Variants in EBF3 observed in about 807,000 individuals in gnomAD.
The protein encoded by EBF3 is EBF transcription factor 3.
A neutral mutation model predicts 77.1 loss-of-function variants in EBF3; 18 were observed. The ratio of observed to expected loss-of-function variants is 0.23; its 90% CI spans 0.16 to 0.35. The LOEUF (loss-of-function observed/expected upper bound fraction) is 0.35. Among genes scored for constraint, EBF3 ranks in the 10% least tolerant of loss-of-function variants. The pLI is 1.00. For synonymous variants in EBF3, 350 were observed against 343.5 expected (o/e 1.02, Z -0.21); for missense variants, 558 against 860.0 (o/e 0.65, Z 4.39).
intron 7 of EBF3, among the ~76,000 whole-genome samples, chr10:129,874,161 G>GA (rs1852595783): frequency 6.6e-6 from 1 of 152,140 alleles, no homozygotes; most frequent in South Asian, 2.1e-4. Context: ...CATCTGAAAA[G>GA]ACTGAGTTGA....
At chr10:129,962,390 C>G (rs1859594383) in intron 3 of EBF3, among the ~76,000 whole-genome samples, 164 bp from the exon 4 acceptor site, 1 of 151,768 alleles carries the variant, frequency 6.6e-6, no homozygotes, top group African/African-American at 2.4e-5. Flanking sequence ...CCACTTCTCG[C>G]TTAATTTTTT....
chr10:129,899,354 T>C (rs1308477878), intron 6 of EBF3, among the ~76,000 whole-genome samples: 3 of 152,090 alleles, frequency 2.0e-5, no homozygotes, highest in African/African-American at 4.8e-5. Flanking sequence ...AAAGCCCCAT[T>C]ATGTGTGTCG....
At chr10:129,922,886 C>T (rs1314319211) in intron 6 of EBF3, among the ~76,000 whole-genome samples, 2 of 152,204 alleles carry the variant, frequency 1.3e-5, no homozygotes, top group Admixed American at 6.5e-5. Flanking sequence ...AGGAGGGTTC[C>T]AGATGGGCTC....
chr10:129,930,469 C>G (rs563045903), intron 6 of EBF3, among the ~76,000 whole-genome samples: 1 of 146,860 alleles, frequency 6.8e-6, no homozygotes, highest in South Asian at 2.2e-4. Context: ...ATGTCTATCT[C>G]TATATTAACA....
chr10:129,842,762 TAAAAAA>T lies in EBF3; in HGVS notation c.1194+369_1194+374del, dbSNP rs35249799. On this transcript the variant is annotated intron_variant, in intron 12 of 16. Transcript: ENST00000440978. The surrounding 1 kb of genome is among the most constrained non-coding windows in gnomAD (Gnocchi z 4.4). ...CTGGGTGACAGAGCAAGACCCTGTC[TAAAAAA>T]AAAAAAAAAAAAAGGGAGCAACATT... 1.8e-5 allele frequency among the ~76,000 whole-genome samples: 2 copies of T among 112,744 alleles called. No homozygotes were observed. The highest frequency in any genetic ancestry group is 3.6e-5 in the African/African-American group (1 of 27,684). 74.0% of individuals were successfully genotyped at this position (112,744 alleles called of 152,430 possible).
chr10:129,962,947 C>T lies in EBF3; in HGVS notation c.350G>A (p.Ser117Asn). 1 of 1,614,112 alleles carries T rather than the reference C, an allele frequency of 6.2e-7. No homozygotes were observed. Among genetic ancestry groups the T allele is most frequent in the Non-Finnish European group, 8.5e-7 (1 of 1,180,008 alleles). The change falls in exon 3 of 17, where the codon AGC (serine) becomes AAC (asparagine). Residue 117 changes from serine to asparagine, a missense_variant. Physicochemically the swap from Ser to Asn is conservative, Grantham distance 46. Coordinates refer to ENST00000440978, the MANE Select transcript of EBF3 (RefSeq NM_001375380.1). ...GIHYKLQLLYSNGVRTEQDLY... is the reference protein window; with the variant it reads ...GIHYKLQLLYNNGVRTEQDLY... ...AGCACGCAGCAGGCACTTACCGTTG[C>T]TGTACAATAACTGGAGTTTATAGTG...
chr10:129,937,094 G>C (rs914862654), intron 6 of EBF3, among the ~76,000 whole-genome samples: 2 of 152,220 alleles, frequency 1.3e-5, no homozygotes, highest in African/African-American at 4.8e-5. Flanking sequence ...GAGGAGCCCA[G>C]AGAATCCCCA....
intron 10 of EBF3, among the ~76,000 whole-genome samples, chr10:129,852,475 G>A (rs564404522): frequency 6.6e-5 from 10 of 152,300 alleles, no homozygotes; most frequent in African/African-American, 1.9e-4. Flanking sequence ...GAGACGTACC[G>A]GCGGGCAGGA....
chr10:129,954,065 A>G (rs1325065453), intron 6 of EBF3, among the ~76,000 whole-genome samples: 4 of 152,148 alleles, frequency 2.6e-5, no homozygotes, highest in African/African-American at 9.7e-5. Flanking sequence ...TTTCAGCAAT[A>G]CCATTAAAAA....
Position 129,848,122 on chromosome 10 carries a change from A to G in EBF3, c.1128+270T>C, listed in dbSNP as rs928814715. On this transcript the variant is annotated intron_variant, in intron 11 of 16. Coordinates refer to ENST00000440978, the MANE Select transcript of EBF3 (RefSeq NM_001375380.1). The surrounding 1 kb of genome is among the most constrained non-coding windows in gnomAD (Gnocchi z 4.4). ...CAGAATCCAAAATATTTGTTATCAG[A>G]AAAGCTGTTCTTTGCTTCCCTTAAA... 5.3e-5 allele frequency among the ~76,000 whole-genome samples: 8 copies of G among 152,242 alleles called. No homozygotes were observed. The highest frequency in any genetic ancestry group is 1.7e-4 in the African/African-American group (7 of 41,468).
chr10:129,941,933 A>G (rs933822052), intron 6 of EBF3, among the ~76,000 whole-genome samples: 2 of 152,232 alleles, frequency 1.3e-5, no homozygotes, highest in African/African-American at 4.8e-5. Context: ...GGGATGACAC[A>G]GGGAGCAAAG....
intron 14 of EBF3, 25 bp from the exon 15 acceptor site, chr10:129,840,467 C>G (rs1472492604): frequency 1.3e-6 from 2 of 1,543,302 alleles, no homozygotes; most frequent in South Asian, 2.4e-5. Context: ...ACACGGTCAG[C>G]ACGCGCGGCC....
intron 15 of EBF3, 59 bp downstream of exon 15, chr10:129,840,186 T>C: frequency 3.8e-4 from 283 of 744,058 alleles, no homozygotes; most frequent in Non-Finnish European, 5.3e-4. Flanking sequence ...CCACCCCCAC[T>C]CCCATCCCCA....
chr10:129,877,144 T>C (rs972870069), intron 7 of EBF3, among the ~76,000 whole-genome samples: 2 of 151,930 alleles, frequency 1.3e-5, no homozygotes, highest in Admixed American at 1.3e-4. Flanking sequence ...TCCCAAAAGG[T>C]TGCATTATAG....
chr10:129,958,175 A>C (rs980149715), intron 5 of EBF3, among the ~76,000 whole-genome samples: 3 of 152,238 alleles, frequency 2.0e-5, no homozygotes, highest in African/African-American at 7.2e-5. Context: ...TGCTGTAACA[A>C]TATGTCTGCT....
chr10:129,958,353 T>C (rs1859196788), intron 5 of EBF3, among the ~76,000 whole-genome samples: 1 of 152,118 alleles, frequency 6.6e-6, no homozygotes, highest in Non-Finnish European at 1.5e-5. Context: ...TTATTTGCCA[T>C]GTAGGGGTGA....
intron 6 of EBF3, among the ~76,000 whole-genome samples, chr10:129,892,457 A>C (rs1340602394): frequency 6.6e-6 from 1 of 152,236 alleles, no homozygotes; most frequent in Non-Finnish European, 1.5e-5. Flanking sequence ...GGTGCCACGG[A>C]TGCCGGACAC....
rs71007573 is a variant in EBF3, at chr10:129,938,378, T to TAA, written c.554+18878_554+18879dup. ...AACATGGCAAAACCCCATCTCTATT[T>TAA]AAAAAAAAAAAAAAAAAAGACAAAA... On this transcript the variant is annotated intron_variant, in intron 6 of 16. Transcript: ENST00000440978. The surrounding 1 kb of genome is among the most constrained non-coding windows in gnomAD (Gnocchi z 5.1). 7.3e-6 allele frequency among the ~76,000 whole-genome samples: 1 copy of TAA among 136,942 alleles called. No homozygotes were observed. Among genetic ancestry groups the TAA allele is most frequent in the African/African-American group, 2.7e-5 (1 of 36,598 alleles). 89.8% of individuals were successfully genotyped at this position (136,942 alleles called of 152,430 possible).
intron 6 of EBF3, among the ~76,000 whole-genome samples, chr10:129,914,418 A>G (rs1855732122): frequency 6.6e-6 from 1 of 152,154 alleles, no homozygotes; most frequent in African/African-American, 2.4e-5. Context: ...TGGAGCCCAG[A>G]GGCGCATGCA....
Sources: gnomAD v4.1 joint callset for allele counts (sites outside exome capture counted in the v4.1 genomes callset) on GRCh38, gnomAD v4.1.1 for gene constraint, Gnocchi (gnomAD v3.1) non-coding constraint, MANE v1.5 for transcripts, NCBI Gene and HGNC (gene_info 2026-07-23, HGNC 2026-07-21) for gene names.